LYRM9: variants seen among roughly 807,000 people sequenced by gnomAD.
LYRM9 encodes LYR motif containing 9.
LYRM9 carries 14 observed loss-of-function variants against 12.6 expected under a neutral mutation model. That is an observed-to-expected ratio of 1.11 (90% CI 0.73 to 1.73). The LOEUF (loss-of-function observed/expected upper bound fraction) is 1.73, where lower values mean the gene tolerates loss of function less well. LYRM9 is among the 40% of genes most tolerant of loss of function. The pLI, the probability that LYRM9 is intolerant of heterozygous loss-of-function variation, is 0.00. For synonymous variants in LYRM9, 42 were observed against 35.1 expected, an observed-to-expected ratio of 1.20 and a Z score of -0.69; for missense variants, 94 against 95.0, an observed-to-expected ratio of 0.99 and a Z score of 0.04.
At chr17:27,892,448 C>A (rs1422277009) in intron 1 of LYRM9, 1 of 454,636 alleles carries the variant, frequency 2.2e-6, no homozygotes, top group Non-Finnish European at 4.4e-6. Context: ...CCCAAGTTAC[C>A]AGAGGAAACT....
At position 27,888,876 on chromosome 17, in the gene LYRM9, CTGAGTTAAAAT is replaced by C. The variant is rs369443067; in HGVS notation, c.-19+4430_-19+4440del. Among the ~76,000 whole-genome samples, 47 of 152,152 alleles carry C rather than the reference CTGAGTTAAAAT, an allele frequency of 3.1e-4. 1 individual carries two copies. The highest frequency in any genetic ancestry group is 1.1e-3 in the African/African-American group (45 of 41,436). On this transcript the variant is annotated intron_variant, in intron 1 of 3. Coordinates refer to ENST00000379102, the MANE Select transcript of LYRM9 (RefSeq NM_001076680.3). ...AAGCTATTGGAAAGTCCCTCCAGTT[CTGAGTTAAAAT>C]TCCCCGCTGTAAAGTTCTACTCACT...
At position 27,882,602 on chromosome 17, in the gene LYRM9, G is replaced by A; in HGVS notation, c.93C>T (p.Gly31=). 2 of 1,596,524 alleles carry A rather than the reference G, an allele frequency of 1.3e-6. 1 individual carries two copies. The highest frequency in any genetic ancestry group is 2.3e-5 in the South Asian group (2 of 87,888). ...CAGCATGCTTGTAATGCTGCTGGAT[G>A]CCCTTGGTCGGCAGCTGCTGGCAAC... ...LRCCQQLPTK[G]IQQHYKHAVR... is the part of the protein sequence containing the mutation. The change falls in exon 2 of 4, where the codon GGC becomes GGT. Residue 31 remains glycine (G), a synonymous_variant. Transcript: ENST00000379102.
Position 27,887,975 on chromosome 17 carries a change from T to C in LYRM9, c.-18-5263A>G, listed in dbSNP as rs145491320. Among the ~76,000 whole-genome samples the C allele has an allele frequency of 2.5e-4, 38 of 152,236 alleles. No individual in the cohort carries two copies. The East Asian group carries it at 6.4e-3, about 26-fold the overall frequency. On this transcript the variant is annotated intron_variant, in intron 1 of 3. Transcript: ENST00000379102. ...CTTTTCGTTTAAGGCCTTCAATGGATTGGAAAAGGCTCACCCATATTATAG... is the reference window on the plus strand; with the variant it reads ...CTTTTCGTTTAAGGCCTTCAATGGACTGGAAAAGGCTCACCCATATTATAG...
intron 2 of LYRM9, among the ~76,000 whole-genome samples, chr17:27,881,437 ATT>A (rs576292228): frequency 1.3e-4 from 17 of 133,830 alleles, no homozygotes; most frequent in South Asian, 2.4e-4. Flanking sequence ...GCCACCTCTG[ATT>A]TTTTTTTTTT....
intron 2 of LYRM9, among the ~76,000 whole-genome samples, 193 bp downstream of exon 2, chr17:27,882,376 T>C (rs958535111): frequency 4.6e-5 from 7 of 152,224 alleles, no homozygotes; most frequent in African/African-American, 1.7e-4. Flanking sequence ...GCTGGTGTGC[T>C]GGGTGAGGCA....
At position 27,878,613 on chromosome 17, in the gene LYRM9, G is replaced by A. The variant is rs1904925146; in HGVS notation, c.*860C>T. On this transcript the variant is annotated 3_prime_UTR_variant, in exon 4 of 4. Coordinates refer to ENST00000379102, the MANE Select transcript of LYRM9 (RefSeq NM_001076680.3). ...TTCTTCCACGATGGTAGCAAAGCAG[G>A]GAAGTGCCAGTGGAAAGAGACTGCA... 1 of 152,238 alleles carries A rather than the reference G, an allele frequency of 6.6e-6. No individual in the cohort carries two copies. Among genetic ancestry groups the A allele is most frequent in the Admixed American group, 6.6e-5 (1 of 15,266 alleles). 9.4% of individuals were successfully genotyped at this position (152,238 alleles called of 1,614,324 possible).
intron 1 of LYRM9, among the ~76,000 whole-genome samples, chr17:27,885,127 T>C (rs1032808458): frequency 6.6e-6 from 1 of 152,100 alleles, no homozygotes; most frequent in Non-Finnish European, 1.5e-5. Flanking sequence ...GGTGCACCCC[T>C]CCCCAGGTCT....
Position 27,879,364 on chromosome 17 carries a change from G to A in LYRM9, c.*109C>T. Reference sequence around the variant, plus strand: ...AGGTCAGCTTCTCCCCTGATTTCTGGCTTTCAGCCAACAAGGCCAATGGCT... The same window carrying A: ...AGGTCAGCTTCTCCCCTGATTTCTGACTTTCAGCCAACAAGGCCAATGGCT... On this transcript the variant is annotated 3_prime_UTR_variant, in exon 4 of 4. Transcript: ENST00000379102. 7.9e-7 allele frequency: 1 copy of A among 1,269,636 alleles called. No homozygotes were observed. Among genetic ancestry groups the A allele is most frequent in the South Asian group, 1.5e-5 (1 of 65,968 alleles). The allele number at this position is 1,269,636 out of a possible 1,614,324, so 78.6% of individuals were successfully genotyped here. A position where few individuals can be genotyped will look rare whatever the true frequency, so the allele number is the denominator to read the frequency against.
chr17:27,887,042 ACTCT>A (rs939890626), intron 1 of LYRM9, among the ~76,000 whole-genome samples: 1 of 151,572 alleles, frequency 6.6e-6, no homozygotes, highest in East Asian at 1.9e-4. Flanking sequence ...CTTGGTTCAG[ACTCT>A]CTCTGAGACA....
chr17:27,885,583 G>A (rs943616609), intron 1 of LYRM9, among the ~76,000 whole-genome samples: 25 of 151,184 alleles, frequency 1.7e-4, no homozygotes, highest in Admixed American at 1.4e-3. Context: ...GGTGGCATGC[G>A]CCTGTAGTCC....
At chr17:27,882,991 G>A (rs1905114843) in intron 1 of LYRM9, 3 of 534,412 alleles carry the variant, frequency 5.6e-6, no homozygotes, top group South Asian at 4.6e-5. Flanking sequence ...TGGTGCATGA[G>A]TAGGTGTCCC....
intron 1 of LYRM9, among the ~76,000 whole-genome samples, chr17:27,889,468 C>T (rs1162805921): frequency 1.3e-5 from 2 of 151,992 alleles, no homozygotes; most frequent in African/African-American, 2.4e-5. Context: ...CCACGATGCC[C>T]GGCTAATTTT....
chr17:27,884,840 A>AC (rs920839632), intron 1 of LYRM9, among the ~76,000 whole-genome samples: 1 of 151,390 alleles, frequency 6.6e-6, no homozygotes, highest in African/African-American at 2.4e-5. Context: ...AAAAAAAAAA[A>AC]AACCCTCCCC....
intron 1 of LYRM9, among the ~76,000 whole-genome samples, chr17:27,888,516 T>C (rs879877817): frequency 6.6e-6 from 1 of 152,210 alleles, no homozygotes; most frequent in African/African-American, 2.4e-5. Context: ...TGTGGTTATG[T>C]GGGAGAATCA....
intron 1 of LYRM9, among the ~76,000 whole-genome samples, chr17:27,890,757 C>A (rs775836971): frequency 6.6e-6 from 1 of 152,176 alleles, no homozygotes; most frequent in African/African-American, 2.4e-5. Context: ...CACTGATACA[C>A]GCTAAATTAA....
intron 1 of LYRM9, among the ~76,000 whole-genome samples, chr17:27,890,519 T>C (rs186733430): frequency 6.6e-6 from 1 of 152,270 alleles, no homozygotes; most frequent in Admixed American, 6.5e-5. Context: ...TATGACAGAA[T>C]TTTTAAAAAG....
chr17:27,887,035 G>A (rs539612015), intron 1 of LYRM9, among the ~76,000 whole-genome samples: 2 of 152,140 alleles, frequency 1.3e-5, no homozygotes, highest in South Asian at 2.1e-4. Flanking sequence ...GCATACCCTT[G>A]GTTCAGACTC....
Position 27,882,588 on chromosome 17 carries a change from T to A in LYRM9, c.107A>T (p.Tyr36Phe). 6.3e-7 allele frequency: 1 copy of A among 1,595,896 alleles called. No homozygotes were observed. The highest frequency in any genetic ancestry group is 1.1e-5 in the South Asian group (1 of 87,854). Residue 36 changes from tyrosine (Y) to phenylalanine (F), a missense_variant, in exon 2 of 4, where the codon TAC becomes TTC. Physicochemically the swap from Tyr to Phe is conservative, Grantham distance 22. Transcript: ENST00000379102. ...QLPTKGIQQHYKHAVRQSFRV... is the reference protein window; with the variant it reads ...QLPTKGIQQHFKHAVRQSFRV... ...TCGCACCTGCCTGACAGCATGCTTG[T>A]AATGCTGCTGGATGCCCTTGGTCGG...
At chr17:27,888,872 A>G (rs1017211072) in intron 1 of LYRM9, among the ~76,000 whole-genome samples, 3 of 152,128 alleles carry the variant, frequency 2.0e-5, no homozygotes, top group African/African-American at 4.8e-5. Flanking sequence ...AAGTCCCTCC[A>G]GTTCTGAGTT....
Sources: allele counts gnomAD v4.1 joint callset (sites outside exome capture counted in the v4.1 genomes callset), GRCh38; gene constraint gnomAD v4.1.1; transcripts MANE v1.5; gene names NCBI Gene and HGNC (gene_info 2026-07-23, HGNC 2026-07-21).